The following RAB2A variants were observed in gnomAD, a reference collection of about 807,000 sequenced individuals.
The protein encoded by RAB2A is RAB2A, member RAS oncogene family.
A neutral mutation model predicts 32.5 loss-of-function variants in RAB2A; 7 were observed. The ratio of observed to expected loss-of-function variants is 0.22; its 90% CI spans 0.12 to 0.40. The LOEUF (loss-of-function observed/expected upper bound fraction) is 0.40. Among genes scored for constraint, RAB2A ranks in the 10% least tolerant of loss-of-function variants. The pLI is 1.00. For synonymous variants in RAB2A, 79 were observed against 85.2 expected, an observed-to-expected ratio of 0.93 and a Z score of 0.40; for missense variants, 108 against 260.7, an observed-to-expected ratio of 0.41 and a Z score of 4.03.
chr8:60,585,361 A>G (rs115418681), intron 5 of RAB2A, among the ~76,000 whole-genome samples: 1,626 of 151,976 alleles, frequency 0.011, 29 homozygotes, highest in African/African-American at 0.037. Flanking sequence ...TACCCAGGCT[A>G]GAGTGCAGTG....
intron 1 of RAB2A, among the ~76,000 whole-genome samples, chr8:60,518,316 G>T (rs1471589349): frequency 6.6e-6 from 1 of 152,152 alleles, no homozygotes; most frequent in Non-Finnish European, 1.5e-5. Flanking sequence ...CATGTAAGCA[G>T]CAGTTTGTAG....
At chr8:60,592,910 A>G (rs1803966403) in intron 6 of RAB2A, among the ~76,000 whole-genome samples, 1 of 152,240 alleles carries the variant, frequency 6.6e-6, no homozygotes, top group Admixed American at 6.5e-5. Flanking sequence ...TATAAGAGCA[A>G]CTACAGAAAG....
At chr8:60,577,733 C>T (rs1255455890) in intron 3 of RAB2A, among the ~76,000 whole-genome samples, 1 of 151,460 alleles carries the variant, frequency 6.6e-6, no homozygotes, top group Non-Finnish European at 1.5e-5. Context: ...ACGCCACTTT[C>T]TCCTGCCTCA....
At chr8:60,559,013 C>G (rs966605594) in intron 2 of RAB2A, 90 bp downstream of exon 2, 4 of 889,892 alleles carry the variant, frequency 4.5e-6, no homozygotes, top group Middle Eastern at 3.3e-4. Flanking sequence ...AGTGATGATG[C>G]TAAAATCAGT....
chr8:60,516,965 C>A (rs991810140), upstream of RAB2A: 73 of 406,456 alleles, frequency 1.8e-4, 1 homozygote, highest in African/African-American at 1.4e-3. Context: ...GGAGGCGGGG[C>A]GGAGGCGCCG....
Position 60,620,740 on chromosome 8 carries a change from G to A in RAB2A, c.610G>A (p.Gly204Arg). ...TNATHAGNQG[G>R]QQAGGGCC The stretch of plus-strand genomic sequence containing the variant: ...TGCAACACATGCAGGCAATCAGGGA[G>A]GACAGCAGGCTGGGGGCGGCTGCTG... The change falls in exon 8 of 8, where the codon GGA becomes AGA. Residue 204 changes from glycine to arginine, a missense_variant. Transcript: ENST00000262646. 6.2e-7 allele frequency: 1 copy of A among 1,613,712 alleles called. No individual in the cohort carries two copies. Among genetic ancestry groups the A allele is most frequent in the Non-Finnish European group, 8.5e-7 (1 of 1,179,896 alleles).
chr8:60,569,451 C>T (rs752832191), intron 2 of RAB2A, among the ~76,000 whole-genome samples: 9 of 152,134 alleles, frequency 5.9e-5, no homozygotes, highest in Non-Finnish European at 1.2e-4. Flanking sequence ...TTTTTAGAGG[C>T]AAAATCTTTG....
chr8:60,520,093 A>G (rs1807278868), intron 1 of RAB2A, among the ~76,000 whole-genome samples: 1 of 152,356 alleles, frequency 6.6e-6, no homozygotes, highest in Admixed American at 6.5e-5. Context: ...TCCGTAACCT[A>G]TAACCTTCTC....
chr8:60,524,069 A>G (rs1410042965), intron 1 of RAB2A, among the ~76,000 whole-genome samples: 1 of 152,022 alleles, frequency 6.6e-6, no homozygotes, highest in Non-Finnish European at 1.5e-5. Context: ...ACCGTGCCTG[A>G]GACTTTATAG....
At chr8:60,576,759 A>C (rs1803640666) in intron 3 of RAB2A, among the ~76,000 whole-genome samples, 1 of 152,240 alleles carries the variant, frequency 6.6e-6, no homozygotes, top group Non-Finnish European at 1.5e-5. Flanking sequence ...GGCTGAAAAC[A>C]ATACTGCCTC....
rs1418997373 is a variant in RAB2A, at chr8:60,621,370, T to G, written c.*601T>G. 2 of 152,248 alleles carry G rather than the reference T, an allele frequency of 1.3e-5. No individual in the cohort carries two copies. The highest frequency in any genetic ancestry group is 2.9e-5 in the Non-Finnish European group (2 of 68,054). 9.4% of individuals were successfully genotyped at this position (152,248 alleles called of 1,614,324 possible). A position where few individuals can be genotyped will look rare whatever the true frequency, so the allele number is the denominator to read the frequency against. ...ATTGCTTGGACACTGAATTTTAAAC[T>G]TTTTGACATTGTTAACAAGCATGTT... On this transcript the variant is annotated 3_prime_UTR_variant, in exon 8 of 8. Coordinates refer to ENST00000262646, the MANE Select transcript of RAB2A (RefSeq NM_002865.3).
At chr8:60,536,823 A>G (rs1033138313) in intron 1 of RAB2A, among the ~76,000 whole-genome samples, 3 of 152,178 alleles carry the variant, frequency 2.0e-5, no homozygotes, top group African/African-American at 7.2e-5. Context: ...CAAATTCAGG[A>G]GGTTGAGTGG....
chr8:60,548,623 C>T (rs1286656172), intron 1 of RAB2A, among the ~76,000 whole-genome samples: 12 of 144,118 alleles, frequency 8.3e-5, no homozygotes, highest in Non-Finnish European at 1.5e-4. Context: ...CCGGATGGGG[C>T]GGCTGGCCGA....
At position 60,584,872 on chromosome 8, in the gene RAB2A, T is replaced by A. The variant is rs1004819773; in HGVS notation, c.362+57T>A. The A allele has an allele frequency of 4.9e-6, 6 of 1,230,812 alleles. 1 individual carries two copies. The Middle Eastern group carries it at 6.0e-4, about 123-fold the overall frequency. The allele number at this position is 1,230,812 out of a possible 1,614,324, so 76.2% of individuals were successfully genotyped here. A position where few individuals can be genotyped will look rare whatever the true frequency, so the allele number is the denominator to read the frequency against. On this transcript the variant is annotated intron_variant, in intron 5 of 7. Coordinates refer to ENST00000262646, the MANE Select transcript of RAB2A (RefSeq NM_002865.3). ...TTAGTGATGAAGACTGTACTGTTTATTTGACTACTTTCCTTAACATTTGTT... is the reference window on the plus strand; with the variant it reads ...TTAGTGATGAAGACTGTACTGTTTAATTGACTACTTTCCTTAACATTTGTT...
At chr8:60,544,153 G>A (rs1410820790) in intron 1 of RAB2A, among the ~76,000 whole-genome samples, 3 of 148,182 alleles carry the variant, frequency 2.0e-5, no homozygotes, top group East Asian at 4.0e-4. Flanking sequence ...GTGTAGTGGC[G>A]TGATCTCGGC....
chr8:60,526,491 A>T lies in RAB2A; in HGVS notation c.46+9238A>T, dbSNP rs968798418. 2.0e-5 allele frequency among the ~76,000 whole-genome samples: 3 copies of T among 152,278 alleles called. No individual in the cohort carries two copies. The East Asian group carries it at 5.8e-4, about 29-fold the overall frequency. On this transcript the variant is annotated intron_variant, in intron 1 of 7. Coordinates refer to ENST00000262646, the MANE Select transcript of RAB2A (RefSeq NM_002865.3). ...GGACTCATGTGATTAGATTGGGCTT[A>T]CCTGGATAATACATGCTAATCTCCC...
At chr8:60,581,979 T>C (rs1256155116) in intron 3 of RAB2A, among the ~76,000 whole-genome samples, 2 of 150,086 alleles carry the variant, frequency 1.3e-5, no homozygotes, top group East Asian at 2.0e-4. Context: ...CAGGGCCTCA[T>C]CTGTTGCCCA....
chr8:60,523,638 A>G (rs1360978960), intron 1 of RAB2A, among the ~76,000 whole-genome samples: 1 of 151,972 alleles, frequency 6.6e-6, no homozygotes, highest in Non-Finnish European at 1.5e-5. Context: ...TGAGAGCTGA[A>G]ACATATCTTT....
At chr8:60,565,677 T>TA (rs1277321589) in intron 2 of RAB2A, among the ~76,000 whole-genome samples, 2 of 1,200 alleles carry the variant, frequency 1.7e-3, no homozygotes, top group African/African-American at 0.012. Context: ...CTGTAGCTGA[T>TA]TTTTTTTTTT....
Sources: gnomAD v4.1 joint callset for allele counts (sites outside exome capture counted in the v4.1 genomes callset) on GRCh38, gnomAD v4.1.1 for gene constraint, MANE v1.5 for transcripts, NCBI Gene and HGNC (gene_info 2026-07-23, HGNC 2026-07-21) for gene names.